The following MBNL1 variants were observed in gnomAD, a reference collection of about 807,000 sequenced individuals.
MBNL1 encodes muscleblind-like protein 1.
In MBNL1, 8 loss-of-function variants were observed where a neutral mutation model predicts 42.2. That is an observed-to-expected ratio of 0.19 (90% CI 0.11 to 0.34). The LOEUF (loss-of-function observed/expected upper bound fraction) is 0.34. MBNL1 is among the 10% of genes least tolerant of loss of function. The pLI is 1.00. For synonymous variants in MBNL1, 169 were observed against 173.9 expected (o/e 0.97, Z 0.22); for missense variants, 309 against 495.3 (o/e 0.62, Z 3.57).
chr3:152,274,156 T>G (rs1265654269), intron 1 of MBNL1, among the ~76,000 whole-genome samples: 5 of 152,182 alleles, frequency 3.3e-5, no homozygotes, highest in Non-Finnish European at 7.4e-5. Flanking sequence ...GTTTTCACTT[T>G]TAAAAGTTTA....
chr3:152,413,040 T>G (rs960711127), intron 2 of MBNL1, among the ~76,000 whole-genome samples: 11 of 152,194 alleles, frequency 7.2e-5, no homozygotes, highest in Non-Finnish European at 1.3e-4. Flanking sequence ...TCCCTGAAAT[T>G]AGACCATATG....
intron 2 of MBNL1, chr3:152,396,219 A>T: frequency 3.0e-6 from 1 of 338,302 alleles, no homozygotes; most frequent in Non-Finnish European, 6.0e-6. Context: ...CTGATTCTAC[A>T]TTATGGTGAG....
chr3:152,458,058 G>A, intron 8 of MBNL1: 2 of 1,253,560 alleles, frequency 1.6e-6, no homozygotes, highest in Non-Finnish European at 2.3e-6. Flanking sequence ...CAGCCTGCAT[G>A]CATGCAGAAG....
intron 2 of MBNL1, among the ~76,000 whole-genome samples, chr3:152,407,309 G>A (rs537777241): frequency 1.4e-5 from 2 of 141,682 alleles, no homozygotes; most frequent in Non-Finnish European, 3.0e-5. Flanking sequence ...TTGCTGTTAC[G>A]CTGATTGGGT....
At chr3:152,312,762 A>G (rs1464048079) in intron 2 of MBNL1, among the ~76,000 whole-genome samples, 3 of 152,122 alleles carry the variant, frequency 2.0e-5, no homozygotes, top group Non-Finnish European at 2.9e-5. Context: ...CGCTTTCTTC[A>G]TTGGTTTACA....
At position 152,339,492 on chromosome 3, in the gene MBNL1, G is replaced by A. The variant is rs569884849; in HGVS notation, c.174+39125G>A. Among the ~76,000 whole-genome samples, 12 of 150,100 alleles carry A rather than the reference G, an allele frequency of 8.0e-5. No homozygotes were observed. The South Asian group carries it at 1.3e-3, about 16-fold the overall frequency. ...CCCTTCCTTTTCTTTTTTTTCCCCC[G>A]CCTCTATTTTCAGGCAGTAATCTGT... On this transcript the variant is annotated intron_variant, in intron 2 of 9. Transcript: ENST00000324210.
Position 152,253,639 on chromosome 3 carries a change from T to G in MBNL1, n.333+9199T>G, listed in dbSNP as rs541502997. Among the ~76,000 whole-genome samples, 4 of 152,230 alleles carry G rather than the reference T, an allele frequency of 2.6e-5. No individual in the cohort carries two copies. The East Asian group carries it at 7.7e-4, about 29-fold the overall frequency. The stretch of plus-strand genomic sequence containing the variant: ...CTCTCATATCCTTTCATCTCTTCAT[T>G]CATGATATTCTGGCTCTACTCCTCA... On this transcript the variant is annotated intron_variant and non_coding_transcript_variant, in intron 2 of 2. Coordinates refer to the MBNL1 transcript ENST00000477171.
chr3:152,350,962 G>A (rs1267118051), intron 2 of MBNL1, among the ~76,000 whole-genome samples: 1 of 152,118 alleles, frequency 6.6e-6, no homozygotes, highest in African/African-American at 2.4e-5. Flanking sequence ...TCATAGCCCT[G>A]CCTATCGATC....
chr3:152,322,632 C>T (rs532307396), intron 2 of MBNL1, among the ~76,000 whole-genome samples: 6 of 151,944 alleles, frequency 3.9e-5, no homozygotes, highest in African/African-American at 4.8e-5. Flanking sequence ...AGTTATTTTA[C>T]GTGACAGTTT....
intron 1 of MBNL1, among the ~76,000 whole-genome samples, chr3:152,287,782 A>G (rs559807222): frequency 7.2e-5 from 11 of 152,340 alleles, no homozygotes; most frequent in Admixed American, 1.3e-4. Flanking sequence ...TTTTAAGAGC[A>G]TATGATGCTG....
At chr3:152,380,828 A>G (rs2153401423) in intron 2 of MBNL1, among the ~76,000 whole-genome samples, 1 of 152,224 alleles carries the variant, frequency 6.6e-6, no homozygotes, top group Non-Finnish European at 1.5e-5. Context: ...CCTTGTGAAT[A>G]TTCACATTTT....
At chr3:152,440,318 C>A (rs1403132038) in intron 4 of MBNL1, among the ~76,000 whole-genome samples, 1 of 152,038 alleles carries the variant, frequency 6.6e-6, no homozygotes, top group African/African-American at 2.4e-5. Flanking sequence ...AAAGACATAC[C>A]CAAGACTGGG....
At chr3:152,448,266 A>C (rs1294472454) in intron 6 of MBNL1, among the ~76,000 whole-genome samples, 1 of 152,206 alleles carries the variant, frequency 6.6e-6, no homozygotes, top group Admixed American at 6.5e-5. Context: ...GGCATCAATC[A>C]GTACACTGTT....
rs570951959 is a variant in MBNL1 at position 152,309,178 on chromosome 3, C to T, written c.174+8811C>T. 5.9e-5 allele frequency among the ~76,000 whole-genome samples: 9 copies of T among 152,224 alleles called. No homozygotes were observed. In the South Asian group the frequency reaches 1.7e-3, roughly 28 times the overall value. ...CTCTCTCTCACACTATTAATTATGA[C>T]ATCACAAGTGGGAATAAAAGAACTA... On this transcript the variant is annotated intron_variant, in intron 2 of 9. Transcript: ENST00000324210.
intron 2 of MBNL1, among the ~76,000 whole-genome samples, chr3:152,411,498 C>T (rs1354124871): frequency 3.9e-5 from 6 of 152,108 alleles, no homozygotes; most frequent in South Asian, 4.2e-4. Flanking sequence ...CCAGCCTGAG[C>T]GACAGAGCAA....
At chr3:152,337,008 C>A (rs2090693993) in intron 2 of MBNL1, among the ~76,000 whole-genome samples, 1 of 152,096 alleles carries the variant, frequency 6.6e-6, no homozygotes, top group Admixed American at 6.5e-5. Context: ...TTGAGAGTTC[C>A]TAAATGATTT....
At chr3:152,321,236 A>C (rs1380187550) in intron 2 of MBNL1, among the ~76,000 whole-genome samples, 1 of 152,124 alleles carries the variant, frequency 6.6e-6, no homozygotes, top group African/African-American at 2.4e-5. Context: ...GGGAGTTAAA[A>C]ATTTAGTACT....
intron 1 of MBNL1, among the ~76,000 whole-genome samples, chr3:152,275,423 A>C (rs1358474534): frequency 5.9e-5 from 9 of 152,126 alleles, no homozygotes; most frequent in Admixed American, 2.0e-4. Context: ...TGAAAGTCTA[A>C]TGTTTGGCTG....
At chr3:152,293,570 A>G (rs1291728186) in intron 1 of MBNL1, among the ~76,000 whole-genome samples, 2 of 152,206 alleles carry the variant, frequency 1.3e-5, no homozygotes, top group African/African-American at 4.8e-5. Context: ...CTTTCTTATC[A>G]ACTCCAAACT....
Sources: allele counts gnomAD v4.1 joint callset (sites outside exome capture counted in the v4.1 genomes callset), GRCh38; gene constraint gnomAD v4.1.1; transcripts MANE v1.5; gene names NCBI Gene and HGNC (gene_info 2026-07-23, HGNC 2026-07-21).